The following MATR3 variants were observed in gnomAD, a reference collection of about 807,000 sequenced individuals.
The protein encoded by MATR3 is matrin 3, also known as matrin-3.
In MATR3, 4 loss-of-function variants were observed where a neutral mutation model predicts 85.5. The ratio of observed to expected loss-of-function variants is 0.05; its 90% CI spans 0.02 to 0.11. The LOEUF (loss-of-function observed/expected upper bound fraction) is 0.11. Among genes scored for constraint, MATR3 ranks in the 10% least tolerant of loss-of-function variants. The probability of loss-of-function intolerance (pLI) is 1.00; values close to 1 mark genes in which losing one functional copy is unlikely to be tolerated. For synonymous variants in MATR3, 336 were observed against 343.1 expected (o/e 0.98, Z 0.23); for missense variants, 685 against 1,016.1 (o/e 0.67, Z 4.43).
intron 2 of MATR3, chr5:139,314,435 A>T: frequency 2.2e-6 from 1 of 463,376 alleles, no homozygotes; most frequent in South Asian, 2.1e-5. Flanking sequence ...CAAATATCTT[A>T]AGTATGTTGA....
Position 139,307,547 on chromosome 5 carries a change from G to C in MATR3, c.132G>C (p.Arg44Ser), listed in dbSNP as rs1040484039. 6.2e-7 allele frequency: 1 copy of C among 1,614,002 alleles called. No homozygotes were observed. The highest frequency in any genetic ancestry group is 8.5e-7 in the Non-Finnish European group (1 of 1,180,030). The change falls in exon 2 of 15, where the codon AGG becomes AGC. Residue 44 changes from arginine (R) to serine (S), a missense_variant. By Grantham distance (110) the Arg-to-Ser change is moderately radical. Coordinates refer to ENST00000394805, the MANE Select transcript of MATR3 (RefSeq NM_018834.6). This position sits in a 1 kb window ranked among gnomAD's most constrained non-coding sequence, Gnocchi z 4.4. Reference protein sequence around the residue: ...QSLSMPASLGRMNQGTARLAS... With the variant: ...QSLSMPASLGSMNQGTARLAS... Reference sequence around the variant, plus strand: ...TAAGTATGCCAGCATCTCTTGGAAGGATGAACCAGGGTACTGCACGCCTTG... The same window carrying C: ...TAAGTATGCCAGCATCTCTTGGAAGCATGAACCAGGGTACTGCACGCCTTG...
At chr5:139,296,222 TCTG>T (rs1754142231) in intron 1 of MATR3, among the ~76,000 whole-genome samples, 1 of 152,216 alleles carries the variant, frequency 6.6e-6, no homozygotes, top group African/African-American at 2.4e-5. Context: ...GTTTTGGGAA[TCTG>T]CTAATTCTGT....
chr5:139,291,779 T>A (rs947911502), upstream of MATR3, among the ~76,000 whole-genome samples: 1 of 152,138 alleles, frequency 6.6e-6, no homozygotes, highest in Non-Finnish European at 1.5e-5. Flanking sequence ...CCTCAAGTGA[T>A]CCACCTGCCT....
intron 1 of MATR3, chr5:139,294,165 G>A: frequency 2.3e-6 from 2 of 864,258 alleles, no homozygotes; most frequent in Non-Finnish European, 3.1e-6. Context: ...GGGACGACTA[G>A]CCCGTTACAC....
At chr5:139,316,545 G>A (rs915349424) in intron 5 of MATR3, among the ~76,000 whole-genome samples, 4 of 151,824 alleles carry the variant, frequency 2.6e-5, no homozygotes, top group African/African-American at 9.7e-5. Context: ...GTGCCAGGCC[G>A]CAAATTTTAC....
intron 3 of MATR3, chr5:139,279,552 G>A (rs1753436711): frequency 1.3e-5 from 2 of 159,388 alleles, no homozygotes; most frequent in Non-Finnish European, 2.7e-5. Flanking sequence ...CTCCCAGGCT[G>A]GAGTGCAATG....
intron 14 of MATR3, 56 bp from the exon 15 acceptor site, chr5:139,329,289 C>T: frequency 8.4e-7 from 1 of 1,194,712 alleles, no homozygotes; most frequent in Non-Finnish European, 1.2e-6. Context: ...GGAATTAATC[C>T]ATTTTGCTGC....
intron 1 of MATR3, among the ~76,000 whole-genome samples, chr5:139,303,439 T>A (rs1165605204): frequency 1.3e-5 from 2 of 152,178 alleles, no homozygotes; most frequent in Non-Finnish European, 1.5e-5. Context: ...CTCACACAGT[T>A]GAGAGCATAG....
chr5:139,283,777 ACCGTCTTATCTTTATCAC>A (rs1442760658), intron 3 of MATR3, among the ~76,000 whole-genome samples: 4 of 151,748 alleles, frequency 2.6e-5, no homozygotes, highest in Non-Finnish European at 5.9e-5. Context: ...TATCTCTCTC[ACCGTCTTATCTTTATCAC>A]CCGTAGATTC....
chr5:139,329,568 A>G lies in MATR3; in HGVS notation c.*173A>G. 1 of 633,524 alleles carries G rather than the reference A, an allele frequency of 1.6e-6. No homozygotes were observed. Among genetic ancestry groups the G allele is most frequent in the Middle Eastern group, 4.3e-4 (1 of 2,336 alleles). The allele number at this position is 633,524 out of a possible 1,614,324, so 39.2% of individuals were successfully genotyped here. Reference sequence around the variant, plus strand: ...TTAAGTGTTATAGCAAAAAAAATACACATATGGTTAAGTTAATGAATAGTT... The same window carrying G: ...TTAAGTGTTATAGCAAAAAAAATACGCATATGGTTAAGTTAATGAATAGTT... On this transcript the variant is annotated 3_prime_UTR_variant, in exon 15 of 15. Coordinates refer to ENST00000394805, the MANE Select transcript of MATR3 (RefSeq NM_018834.6).
In MATR3 at chr5:139,329,665, T is replaced by C. The variant is rs776728878; in HGVS notation, c.*270T>C. Reference sequence around the variant, plus strand: ...GACTTCCTAAGCTACTTAAGACAACTTGCACCACTAAGAAAAAAATGTAGA... The same window carrying C: ...GACTTCCTAAGCTACTTAAGACAACCTGCACCACTAAGAAAAAAATGTAGA... On this transcript the variant is annotated 3_prime_UTR_variant, in exon 15 of 15. Coordinates refer to ENST00000394805, the MANE Select transcript of MATR3 (RefSeq NM_018834.6). 1 of 496,182 alleles carries C rather than the reference T, an allele frequency of 2.0e-6. No individual in the cohort carries two copies. The highest frequency in any genetic ancestry group is 1.6e-5 in the South Asian group (1 of 64,372). 30.7% of individuals were successfully genotyped at this position (496,182 alleles called of 1,614,324 possible).
At chr5:139,290,731 G>A (rs189417644), upstream of MATR3, among the ~76,000 whole-genome samples, 1 of 152,000 alleles carries the variant, frequency 6.6e-6, no homozygotes, top group Non-Finnish European at 1.5e-5. Context: ...GATTACAGGT[G>A]TGAACCACTG....
chr5:139,280,884 T>G (rs932544618), intron 3 of MATR3, among the ~76,000 whole-genome samples: 22 of 152,316 alleles, frequency 1.4e-4, no homozygotes, highest in African/African-American at 4.3e-4. Flanking sequence ...AATGGTGTAA[T>G]CATGTGCATT....
intron 8 of MATR3, 74 bp downstream of exon 8, chr5:139,319,107 A>T: frequency 2.0e-6 from 3 of 1,517,028 alleles, no homozygotes; most frequent in South Asian, 1.1e-5. Flanking sequence ...TGGTTATTTC[A>T]AATTATTGCT....
chr5:139,331,566 C>G lies in MATR3; in HGVS notation c.*2171C>G, dbSNP rs886060004. On this transcript the variant is annotated 3_prime_UTR_variant, in exon 15 of 15. Coordinates refer to ENST00000394805, the MANE Select transcript of MATR3 (RefSeq NM_018834.6). Reference sequence around the variant, plus strand: ...AAACCTCTTTTTAGTAGGAATGTTTCCACTCATGTTTGCTGTAAAGTTTAA... The same window carrying G: ...AAACCTCTTTTTAGTAGGAATGTTTGCACTCATGTTTGCTGTAAAGTTTAA... 2 of 453,978 alleles carry G rather than the reference C, an allele frequency of 4.4e-6. No individual in the cohort carries two copies. The highest frequency in any genetic ancestry group is 2.0e-5 in the African/African-American group (1 of 50,010). 28.1% of individuals were successfully genotyped at this position (453,978 alleles called of 1,614,324 possible).
In MATR3 at chr5:139,307,706, A is replaced by G. The variant is rs147239107; in HGVS notation, c.291A>G (p.Leu97=). 452 of 1,614,108 alleles carry G rather than the reference A, an allele frequency of 2.8e-4. 1 individual carries two copies. The Middle Eastern group carries it at 3.1e-3, about 11-fold the overall frequency. ...TTGGAAGTAGAGGTCCACTCCCTTT[A>G]TCTTCTCAACACCGTGGAGATGCAG... ...FNIGSRGPLP[L]SSQHRGDADQ... is the part of the protein sequence containing the mutation. The change falls in exon 2 of 15, where the codon TTA becomes TTG. Residue 97 remains leucine (L), a synonymous_variant. Coordinates refer to ENST00000394805, the MANE Select transcript of MATR3 (RefSeq NM_018834.6). This position sits in a 1 kb window ranked among gnomAD's most constrained non-coding sequence, Gnocchi z 4.4.
At chr5:139,284,605 C>CAA (rs397971665) in intron 3 of MATR3, among the ~76,000 whole-genome samples, 6 of 124,000 alleles carry the variant, frequency 4.8e-5, no homozygotes, top group African/African-American at 1.8e-4. Context: ...GAGACAGTCT[C>CAA]AAAAAAAAAA....
chr5:139,304,227 C>T (rs1459997750), intron 1 of MATR3, among the ~76,000 whole-genome samples: 2 of 152,012 alleles, frequency 1.3e-5, no homozygotes, highest in Non-Finnish European at 2.9e-5. Flanking sequence ...GGTTATCGGG[C>T]CAGGCGTGGT....
chr5:139,297,906 C>T (rs1754239029), intron 1 of MATR3, among the ~76,000 whole-genome samples: 1 of 152,076 alleles, frequency 6.6e-6, no homozygotes, highest in Admixed American at 6.6e-5. Flanking sequence ...CAGGCAGAAA[C>T]AGGTTAGTAG....
Sources: allele counts gnomAD v4.1 joint callset (sites outside exome capture counted in the v4.1 genomes callset), GRCh38; gene constraint gnomAD v4.1.1; non-coding constraint Gnocchi (gnomAD v3.1); transcripts MANE v1.5; gene names NCBI Gene and HGNC (gene_info 2026-07-23, HGNC 2026-07-21).